Variants in MYRIP observed in about 807,000 individuals in gnomAD.
MYRIP encodes the protein rab effector MyRIP.
In MYRIP, 49 loss-of-function variants were observed where a neutral mutation model predicts 98.0. That is an observed-to-expected ratio of 0.50 (90% confidence interval 0.40 to 0.63). MYRIP has a LOEUF of 0.63. Ranked by LOEUF, MYRIP falls within the 30% of genes least tolerant of loss-of-function variation. The probability of loss-of-function intolerance (pLI) is 0.00; values close to 1 mark genes in which losing one functional copy is unlikely to be tolerated. For missense variants in MYRIP, 1,004 were observed against 1,058.2 expected (o/e 0.95, Z 0.71); for synonymous variants, 404 against 409.5 (o/e 0.99, Z 0.16).
At chr3:39,941,530 CT>C (rs549697171) in intron 2 of MYRIP, among the ~76,000 whole-genome samples, 17 of 150,916 alleles carry the variant, frequency 1.1e-4, no homozygotes, top group Admixed American at 3.3e-4. Flanking sequence ...CACACACACA[CT>C]TTTTTTTACA....
rs773244750 is a variant in MYRIP at position 40,044,136 on chromosome 3, G to A, written c.197G>A (p.Arg66His). 1.7e-5 allele frequency: 28 copies of A among 1,614,028 alleles called. No homozygotes were observed. Among genetic ancestry groups the A allele is most frequent in the South Asian group, 9.9e-5 (9 of 91,092 alleles). ...CAGTTTGTGGAGCACTGCTGCATGC[G>A]CTGCTGCTCGCCCTTCACCTTCCTC... ...HQQFVEHCCM[R>H]CCSPFTFLVN... Residue 66 changes from arginine to histidine, a missense_variant, in exon 3 of 17, where the codon CGC becomes CAC. By Grantham distance (29) the Arg-to-His change is conservative (BLOSUM62 0). Around this residue, in one of 3 missense-constraint regions of MYRIP, gnomAD observed 880 missense variants for 907.7 expected, o/e 0.97. Coordinates refer to ENST00000302541, the MANE Select transcript of MYRIP (RefSeq NM_015460.4).
At chr3:40,108,733 G>A (rs1326084425) in intron 3 of MYRIP, among the ~76,000 whole-genome samples, 1 of 152,142 alleles carries the variant, frequency 6.6e-6, no homozygotes, top group African/African-American at 2.4e-5. Context: ...ATTTAAGGAG[G>A]GAGTGGGAAG....
intron 11 of MYRIP, among the ~76,000 whole-genome samples, chr3:40,228,346 T>TA: frequency 6.6e-6 from 1 of 152,240 alleles, no homozygotes; most frequent in East Asian, 1.9e-4. Flanking sequence ...ACTAAGATTA[T>TA]ATATTAAAAC....
At chr3:39,846,010 A>G (rs939838922) in intron 1 of MYRIP, among the ~76,000 whole-genome samples, 3 of 152,230 alleles carry the variant, frequency 2.0e-5, no homozygotes, top group African/African-American at 4.8e-5. Flanking sequence ...CAGATCAAAT[A>G]TAAATTTTGT....
intron 10 of MYRIP, among the ~76,000 whole-genome samples, chr3:40,196,047 T>A (rs1488372590): frequency 1.3e-5 from 2 of 152,090 alleles, no homozygotes; most frequent in African/African-American, 2.4e-5. Context: ...TTAAAAAAAA[T>A]TTCTCTGCAC....
At chr3:40,143,549 C>G (rs894458077) in intron 3 of MYRIP, among the ~76,000 whole-genome samples, 2 of 152,166 alleles carry the variant, frequency 1.3e-5, no homozygotes, top group Non-Finnish European at 2.9e-5. Context: ...TCCCTGGAAG[C>G]CCCAAGGAAG....
chr3:40,153,970 T>C (rs1950168510), intron 4 of MYRIP, among the ~76,000 whole-genome samples: 1 of 151,912 alleles, frequency 6.6e-6, no homozygotes, highest in Non-Finnish European at 1.5e-5. Context: ...TGAAACCCCA[T>C]CTCTACTAAA....
chr3:39,998,934 C>T (rs1322364671), intron 2 of MYRIP, among the ~76,000 whole-genome samples: 11 of 152,154 alleles, frequency 7.2e-5, no homozygotes, highest in Non-Finnish European at 2.9e-5. Flanking sequence ...GGAAAGGATT[C>T]CCTCTTTAAT....
At chr3:40,218,630 A>T (rs1448366411) in intron 11 of MYRIP, among the ~76,000 whole-genome samples, 4,687 of 23,508 alleles carry the variant, frequency 0.2, 233 homozygotes, top group East Asian at 0.33. Flanking sequence ...ATATATATAT[A>T]TATATATATA....
intron 1 of MYRIP, among the ~76,000 whole-genome samples, chr3:39,875,118 T>C (rs1942945973): frequency 6.6e-6 from 1 of 152,230 alleles, no homozygotes; most frequent in Non-Finnish European, 1.5e-5. Flanking sequence ...GATTTTCTAA[T>C]TTATTTGTGT....
chr3:40,179,869 T>G (rs1311483108), intron 8 of MYRIP, among the ~76,000 whole-genome samples: 1 of 152,254 alleles, frequency 6.6e-6, no homozygotes, highest in African/African-American at 2.4e-5. Flanking sequence ...GCCAAGGGCG[T>G]GTCCCTCTTG....
chr3:40,061,980 T>C (rs1026251123), intron 3 of MYRIP, among the ~76,000 whole-genome samples: 1 of 152,218 alleles, frequency 6.6e-6, no homozygotes. Context: ...TTTAATTCCT[T>C]ATAGATGCTG....
rs1361531021 is a variant in MYRIP at position 40,204,059 on chromosome 3, TATAATAA to T, written c.1666-5791_1666-5785del. ...ATATATTATATATAATATATTTATA[TATAATAA>T]ATATTATATAATATATTTATATATT... On this transcript the variant is annotated intron_variant, in intron 10 of 16. Coordinates refer to ENST00000302541, the MANE Select transcript of MYRIP (RefSeq NM_015460.4). Among the ~76,000 whole-genome samples, 6 of 4,484 alleles carry T rather than the reference TATAATAA, an allele frequency of 1.3e-3. 2 individuals carry two copies. The highest frequency in any genetic ancestry group is 2.3e-3 in the Non-Finnish European group (3 of 1,312). The allele number at this position is 4,484 out of a possible 152,430, so 2.9% of individuals were successfully genotyped here. A position where few individuals can be genotyped will look rare whatever the true frequency, so the allele number is the denominator to read the frequency against.
intron 11 of MYRIP, among the ~76,000 whole-genome samples, chr3:40,211,821 G>GCA (rs5848554): frequency 0.45 from 68,694 of 151,226 alleles, 16,469 homozygotes; most frequent in Non-Finnish European, 0.55. Context: ...CCTCCTGGAG[G>GCA]CAGTCACCAA....
chr3:40,204,235 A>AAATAT (rs1553626938), intron 10 of MYRIP, among the ~76,000 whole-genome samples: 5 of 26,720 alleles, frequency 1.9e-4, no homozygotes, highest in Admixed American at 6.8e-4. Flanking sequence ...ATATATATAT[A>AAATAT]TTTTTTTTTT....
In MYRIP at chr3:40,259,905, A is replaced by C. The variant is rs896101740; in HGVS notation, c.*1739A>C. Reference sequence around the variant, plus strand: ...CATGAAAAGCAACTATTGTTGTGTTACAGTGTTAAAAATATTCAGTTTTCT... The same window carrying C: ...CATGAAAAGCAACTATTGTTGTGTTCCAGTGTTAAAAATATTCAGTTTTCT... On this transcript the variant is annotated 3_prime_UTR_variant, in exon 17 of 17. Coordinates refer to ENST00000302541, the MANE Select transcript of MYRIP (RefSeq NM_015460.4). The C allele has an allele frequency of 1.3e-5, 2 of 152,696 alleles. No homozygotes were observed. The highest frequency in any genetic ancestry group is 4.8e-5 in the African/African-American group (2 of 41,474). The allele number at this position is 152,696 out of a possible 1,614,324, so 9.5% of individuals were successfully genotyped here. A position where few individuals can be genotyped will look rare whatever the true frequency, so the allele number is the denominator to read the frequency against.
At chr3:39,929,755 A>G (rs1486648212) in intron 2 of MYRIP, among the ~76,000 whole-genome samples, 3 of 151,910 alleles carry the variant, frequency 2.0e-5, no homozygotes, top group African/African-American at 7.2e-5. Context: ...ACCTCTAGCA[A>G]TCATTAATAT....
intron 1 of MYRIP, among the ~76,000 whole-genome samples, chr3:39,891,466 T>C (rs1284884111): frequency 6.6e-6 from 1 of 152,168 alleles, no homozygotes; most frequent in East Asian, 1.9e-4. Flanking sequence ...TCATTCTCTA[T>C]TGAAGACTTT....
At chr3:40,218,636 A>ATTT (rs374687755) in intron 11 of MYRIP, among the ~76,000 whole-genome samples, 4 of 133,874 alleles carry the variant, frequency 3.0e-5, no homozygotes, top group African/African-American at 8.9e-5. Context: ...ATATATATAT[A>ATTT]TATATATATA....
Sources: allele counts gnomAD v4.1 joint callset (sites outside exome capture counted in the v4.1 genomes callset), GRCh38; gene constraint gnomAD v4.1.1; regional missense constraint gnomAD v4.1.1; transcripts MANE v1.5; gene names NCBI Gene and HGNC (gene_info 2026-07-23, HGNC 2026-07-21).